The following CDK14 variants were observed in gnomAD, a reference collection of about 807,000 sequenced individuals.
CDK14 encodes cyclin-dependent kinase 14.
Under a neutral mutation model 60.7 loss-of-function variants are expected in CDK14, and 34 were observed. That is an observed-to-expected ratio of 0.56 (90% confidence interval 0.43 to 0.75). The LOEUF (loss-of-function observed/expected upper bound fraction) is 0.75, where lower values mean the gene tolerates loss of function less well. CDK14 is among the 30% of genes least tolerant of loss of function. The probability of loss-of-function intolerance (pLI) is 0.00; values close to 1 mark genes in which losing one functional copy is unlikely to be tolerated. For missense variants in CDK14, 482 were observed against 564.1 expected, an observed-to-expected ratio of 0.85 and a Z score of 1.47; for synonymous variants, 197 against 203.7, an observed-to-expected ratio of 0.97 and a Z score of 0.28.
At chr7:91,184,237 C>T (rs1039763278) in intron 14 of CDK14, among the ~76,000 whole-genome samples, 11 of 62,308 alleles carry the variant, frequency 1.8e-4, no homozygotes, top group Admixed American at 7.0e-4. Flanking sequence ...TAGCTGATTG[C>T]GCCACCGCCG....
intron 10 of CDK14, among the ~76,000 whole-genome samples, chr7:91,025,817 A>G (rs1796555019): frequency 1.3e-5 from 2 of 152,202 alleles, no homozygotes; most frequent in Non-Finnish European, 1.5e-5. Flanking sequence ...TTAATTTTGT[A>G]TATTCTAAAA....
chr7:91,123,759 C>G (rs1392751950), intron 14 of CDK14, among the ~76,000 whole-genome samples: 1 of 152,110 alleles, frequency 6.6e-6, no homozygotes, highest in Non-Finnish European at 1.5e-5. Flanking sequence ...CTGATCTGTA[C>G]TGTGCACCAC....
At chr7:90,796,658 C>G (rs1788444566) in intron 5 of CDK14, among the ~76,000 whole-genome samples, 1 of 151,768 alleles carries the variant, frequency 6.6e-6, no homozygotes, top group Admixed American at 6.6e-5. Flanking sequence ...GATGACTTGT[C>G]TAAGGAGCAG....
At chr7:91,126,357 G>T (rs1429415465) in intron 14 of CDK14, among the ~76,000 whole-genome samples, 1 of 152,090 alleles carries the variant, frequency 6.6e-6, no homozygotes, top group Non-Finnish European at 1.5e-5. Context: ...ATACCTGTTT[G>T]TTTTTATGTG....
intron 14 of CDK14, among the ~76,000 whole-genome samples, chr7:91,186,849 A>C (rs957566606): frequency 6.6e-6 from 1 of 152,208 alleles, no homozygotes; most frequent in Non-Finnish European, 1.5e-5. Context: ...TGACAATTAA[A>C]ATATTCTCTG....
chr7:90,795,206 G>A (rs962391579), intron 5 of CDK14, among the ~76,000 whole-genome samples: 1 of 152,018 alleles, frequency 6.6e-6, no homozygotes, highest in African/African-American at 2.4e-5. Flanking sequence ...ATTGTGTTTT[G>A]TTTAAAACTT....
intron 6 of CDK14, among the ~76,000 whole-genome samples, chr7:90,882,360 A>G (rs951484952): frequency 1.3e-5 from 2 of 152,198 alleles, no homozygotes; most frequent in Non-Finnish European, 1.5e-5. Flanking sequence ...GCATTACACA[A>G]TGGTAAAGGG....
chr7:91,030,037 A>C (rs565792571), intron 10 of CDK14, among the ~76,000 whole-genome samples: 12 of 152,150 alleles, frequency 7.9e-5, no homozygotes, highest in Non-Finnish European at 1.5e-4. Context: ...ATATTTTTCC[A>C]TACTTGTATC....
chr7:90,917,428 T>A (rs1793114631), intron 7 of CDK14, among the ~76,000 whole-genome samples, 173 bp from the exon 8 acceptor site: 1 of 152,232 alleles, frequency 6.6e-6, no homozygotes, highest in African/African-American at 2.4e-5. Context: ...TACTTCTAAA[T>A]GAATTAGGAA....
intron 2 of CDK14, among the ~76,000 whole-genome samples, chr7:90,697,937 G>A (rs1291780859): frequency 6.6e-5 from 10 of 151,368 alleles, no homozygotes; most frequent in Admixed American, 2.6e-4. Context: ...GCATGGTGGC[G>A]GGCGCCTGTA....
intron 5 of CDK14, among the ~76,000 whole-genome samples, chr7:90,811,252 C>T (rs1472867319): frequency 6.6e-6 from 1 of 152,098 alleles, no homozygotes; most frequent in Admixed American, 6.5e-5. Flanking sequence ...CAGCATGGTA[C>T]TGGTACCAAA....
chr7:90,766,678 A>G (rs1804576017), intron 4 of CDK14, among the ~76,000 whole-genome samples: 1 of 152,108 alleles, frequency 6.6e-6, no homozygotes, highest in Non-Finnish European at 1.5e-5. Context: ...GACTATGCCA[A>G]TTGTAAGGTC....
rs59565390 is a variant in CDK14, at chr7:91,184,204, T to TAAAAAAAAA, written c.*29-22948_*29-22940dup. On this transcript the variant is annotated intron_variant, in intron 14 of 14. Coordinates refer to ENST00000380050, the MANE Select transcript of CDK14 (RefSeq NM_001287135.2). ...TGGGTGACAGAGTGAGGCTCCGTCT[T>TAAAAAAAAA]AAAAAAAAAAAAAAAAAAAAATTAG... Among the ~76,000 whole-genome samples the TAAAAAAAAA allele has an allele frequency of 3.1e-3, 114 of 36,660 alleles. 30 individuals carry two copies. Among genetic ancestry groups the TAAAAAAAAA allele is most frequent in the African/African-American group, 6.4e-3 (51 of 7,960 alleles). The allele number at this position is 36,660 out of a possible 152,430, so 24.1% of individuals were successfully genotyped here.
At chr7:90,641,399 A>G (rs1229937765) in intron 2 of CDK14, among the ~76,000 whole-genome samples, 2 of 152,206 alleles carry the variant, frequency 1.3e-5, no homozygotes, top group Non-Finnish European at 1.5e-5. Flanking sequence ...TGATGAATGG[A>G]TAAAGTGCAG....
At chr7:90,690,828 CATG>C (rs1401997515) in intron 2 of CDK14, among the ~76,000 whole-genome samples, 1 of 152,016 alleles carries the variant, frequency 6.6e-6, no homozygotes, top group African/African-American at 2.4e-5. Context: ...ATTTTTGTAT[CATG>C]ATATGTAAGA....
intron 2 of CDK14, among the ~76,000 whole-genome samples, chr7:90,720,140 T>C (rs913737025): frequency 2.0e-5 from 3 of 152,220 alleles, no homozygotes; most frequent in African/African-American, 7.2e-5. Flanking sequence ...GTGGAAGAGA[T>C]AATCAGGTTG....
intron 10 of CDK14, among the ~76,000 whole-genome samples, chr7:91,029,365 A>G (rs1796690263): frequency 6.6e-6 from 1 of 151,842 alleles, no homozygotes. Context: ...AATGATATTG[A>G]TCATTTGATA....
chr7:91,086,683 G>GTGTGTA (rs1554423868), intron 12 of CDK14, among the ~76,000 whole-genome samples: 1 of 150,046 alleles, frequency 6.7e-6, no homozygotes, highest in African/African-American at 2.4e-5. Context: ...GTGTGTGTGT[G>GTGTGTA]TATATATCTT....
At position 91,165,672 on chromosome 7, in the gene CDK14, G is replaced by C. The variant is rs918579336; in HGVS notation, c.*29-41493G>C. 2.6e-5 allele frequency among the ~76,000 whole-genome samples: 4 copies of C among 152,146 alleles called. No homozygotes were observed. In the South Asian group the frequency reaches 8.3e-4, roughly 32 times the overall value. On this transcript the variant is annotated intron_variant, in intron 14 of 14. Transcript: ENST00000380050. Reference sequence around the variant, plus strand: ...TGCTTTTAACGTTTACTCATCAACAGGGCTTGGCTCAAATAGTTCTGAAAG... The same window carrying C: ...TGCTTTTAACGTTTACTCATCAACACGGCTTGGCTCAAATAGTTCTGAAAG...
Sources: allele counts gnomAD v4.1 joint callset (sites outside exome capture counted in the v4.1 genomes callset), GRCh38; gene constraint gnomAD v4.1.1; transcripts MANE v1.5; gene names NCBI Gene and HGNC (gene_info 2026-07-23, HGNC 2026-07-21).